ADK: variants seen among roughly 807,000 people sequenced by gnomAD.
ADK encodes N6,N6-dimethyladenosine kinase.
ADK carries 24 observed loss-of-function variants against 44.7 expected under a neutral mutation model. That is an observed-to-expected ratio of 0.54 (90% CI 0.39 to 0.76). ADK has a LOEUF of 0.76. Ranked by LOEUF, ADK falls within the 30% of genes least tolerant of loss-of-function variation. ADK has a pLI of 0.00. For synonymous variants in ADK, 128 were observed against 142.6 expected (o/e 0.90, Z 0.73); for missense variants, 321 against 425.1 (o/e 0.76, Z 2.15).
chr10:74,525,155 ATTTTATATACTT>A, intron 6 of ADK, 89 bp from the exon 7 acceptor site: 1 of 1,185,230 alleles, frequency 8.4e-7, no homozygotes, highest in Non-Finnish European at 1.2e-6. Flanking sequence ...TTATAATTGT[ATTTTATATACTT>A]TTGTATTTTG....
At chr10:74,578,506 T>C (rs1015948574) in intron 7 of ADK, among the ~76,000 whole-genome samples, 1 of 152,190 alleles carries the variant, frequency 6.6e-6, no homozygotes, top group Non-Finnish European at 1.5e-5. Flanking sequence ...ACTCTGTCTG[T>C]GGTAGCATAA....
intron 7 of ADK, among the ~76,000 whole-genome samples, chr10:74,587,109 A>G (rs1424244356): frequency 6.6e-6 from 1 of 152,158 alleles, no homozygotes; most frequent in African/African-American, 2.4e-5. Flanking sequence ...GAAGTTCCAT[A>G]TAAATAAGTG....
intron 3 of ADK, among the ~76,000 whole-genome samples, chr10:74,256,137 G>T (rs1845814670): frequency 6.6e-6 from 1 of 152,164 alleles, no homozygotes. Flanking sequence ...CATGTGAAAA[G>T]GCAGGAAAGC....
At chr10:74,457,908 C>A (rs1052180458) in intron 6 of ADK, among the ~76,000 whole-genome samples, 6 of 151,948 alleles carry the variant, frequency 3.9e-5, no homozygotes, top group Non-Finnish European at 5.9e-5. Flanking sequence ...AGGAGAAATA[C>A]CTAATGTAGA....
chr10:74,374,948 G>A (rs1046692733), intron 4 of ADK, among the ~76,000 whole-genome samples: 3 of 152,034 alleles, frequency 2.0e-5, no homozygotes, highest in Non-Finnish European at 2.9e-5. Context: ...TTGTTTTCAT[G>A]CTTACTCCTC....
chr10:74,620,711 T>TTC (rs1852963718), intron 9 of ADK, among the ~76,000 whole-genome samples: 1 of 152,144 alleles, frequency 6.6e-6, no homozygotes, highest in Admixed American at 6.5e-5. Context: ...TGCTTTTTTT[T>TTC]TCTCTTTTTA....
chr10:74,531,410 C>T (rs1301248598), intron 7 of ADK, among the ~76,000 whole-genome samples: 1 of 152,084 alleles, frequency 6.6e-6, no homozygotes, highest in Non-Finnish European at 1.5e-5. Flanking sequence ...AGTACTAAAT[C>T]ATACTCAAGA....
intron 9 of ADK, among the ~76,000 whole-genome samples, chr10:74,622,060 T>G (rs1853013884): frequency 6.6e-6 from 1 of 152,228 alleles, no homozygotes; most frequent in African/African-American, 2.4e-5. Context: ...CTTGTCCTGC[T>G]TCCTGACAAG....
chr10:74,526,802 G>T (rs1201207129), intron 7 of ADK, among the ~76,000 whole-genome samples: 1 of 152,196 alleles, frequency 6.6e-6, no homozygotes, highest in South Asian at 2.1e-4. Flanking sequence ...ACTGCTAGAA[G>T]CCTAATTTGA....
intron 1 of ADK, among the ~76,000 whole-genome samples, chr10:74,195,100 A>C (rs1446791653): frequency 6.6e-6 from 1 of 151,060 alleles, no homozygotes; most frequent in Non-Finnish European, 1.5e-5. Context: ...CAAAAAAAAA[A>C]GATTGTTCAG....
chr10:74,366,447 T>G (rs936772758), intron 4 of ADK, among the ~76,000 whole-genome samples: 3 of 152,210 alleles, frequency 2.0e-5, no homozygotes, highest in South Asian at 4.1e-4. Context: ...AAAATATTTT[T>G]TGCTTTCTTT....
At chr10:74,440,699 GGAAAATTT>G (rs1202933052) in intron 6 of ADK, among the ~76,000 whole-genome samples, 1 of 152,068 alleles carries the variant, frequency 6.6e-6, no homozygotes, top group Non-Finnish European at 1.5e-5. Context: ...ACTTGGGATT[GGAAAATTT>G]GGAGTTTTCA....
chr10:74,204,084 G>A (rs542728411), intron 2 of ADK, among the ~76,000 whole-genome samples: 1 of 150,862 alleles, frequency 6.6e-6, no homozygotes, highest in Non-Finnish European at 1.5e-5. Context: ...AGCCTCCTGA[G>A]TAGCTGGGAT....
chr10:74,438,960 G>T (rs1845291255), intron 6 of ADK, among the ~76,000 whole-genome samples: 1 of 152,086 alleles, frequency 6.6e-6, no homozygotes, highest in Non-Finnish European at 1.5e-5. Context: ...AACTGAATTG[G>T]CTGCCTTTAT....
intron 3 of ADK, among the ~76,000 whole-genome samples, chr10:74,259,931 A>G (rs1041674014): frequency 6.6e-6 from 1 of 152,134 alleles, no homozygotes; most frequent in African/African-American, 2.4e-5. Flanking sequence ...AGAATGTTCT[A>G]GATAGGGATA....
chr10:74,346,984 G>A (rs1337890997), intron 4 of ADK, among the ~76,000 whole-genome samples: 2 of 151,638 alleles, frequency 1.3e-5, no homozygotes, highest in Non-Finnish European at 2.9e-5. Flanking sequence ...GTGGGCACCT[G>A]TAGTCCCAGC....
chr10:74,226,163 G>A (rs1844529931), intron 3 of ADK, among the ~76,000 whole-genome samples: 1 of 151,616 alleles, frequency 6.6e-6, no homozygotes, highest in Non-Finnish European at 1.5e-5. Flanking sequence ...GCTGGAGTGT[G>A]GTGGCATGAT....
At chr10:74,270,507 TC>T (rs1180893258) in intron 3 of ADK, among the ~76,000 whole-genome samples, 2 of 152,184 alleles carry the variant, frequency 1.3e-5, no homozygotes, top group Non-Finnish European at 2.9e-5. Context: ...AAGCCATTGT[TC>T]CACCTCGGCC....
intron 3 of ADK, among the ~76,000 whole-genome samples, chr10:74,288,342 G>A (rs946485361): frequency 6.6e-6 from 1 of 152,076 alleles, no homozygotes; most frequent in African/African-American, 2.4e-5. Context: ...GTAAATCTGT[G>A]TTGATGTTAA....
Sources: gnomAD v4.1 joint callset for allele counts (sites outside exome capture counted in the v4.1 genomes callset) on GRCh38, gnomAD v4.1.1 for gene constraint, MANE v1.5 for transcripts, NCBI Gene and HGNC (gene_info 2026-07-23, HGNC 2026-07-21) for gene names.